The following HADH variants were observed in gnomAD, a reference collection of about 807,000 sequenced individuals.
The protein encoded by HADH is hydroxyacyl-CoA dehydrogenase.
A neutral mutation model predicts 32.2 loss-of-function variants in HADH; 24 were observed. The observed-to-expected ratio is 0.75, with a 90% CI of 0.54 to 1.05. The LOEUF is 1.05. Ranked by LOEUF, HADH falls within the 50% of genes least tolerant of loss-of-function variation. The pLI is 0.00. For synonymous variants in HADH, 139 were observed against 152.5 expected, an observed-to-expected ratio of 0.91 and a Z score of 0.65; for missense variants, 350 against 397.1, an observed-to-expected ratio of 0.88 and a Z score of 1.01.
At chr4:108,009,996 AGTTT>A (rs1735433854) in intron 2 of HADH, 109 bp downstream of exon 2, 5 of 589,506 alleles carry the variant, frequency 8.5e-6, no homozygotes, top group Non-Finnish European at 1.4e-5. Flanking sequence ...TTTTTTTTTC[AGTTT>A]GTTAGTGTAA....
At chr4:108,033,036 A>G in intron 6 of HADH, 140 bp from the exon 7 acceptor site, 1 of 744,162 alleles carries the variant, frequency 1.3e-6, no homozygotes. Flanking sequence ...AGGAAATCTT[A>G]CCCAAGCCAG....
intron 6 of HADH, chr4:108,028,047 G>A (rs1736124104): frequency 6.0e-6 from 3 of 502,814 alleles, no homozygotes; most frequent in Non-Finnish European, 7.1e-6. Flanking sequence ...TTGATATCCT[G>A]GATCTCTGCT....
In HADH at chr4:108,032,539, T is replaced by C; in HGVS notation, c.710-637T>C. On this transcript the variant is annotated intron_variant, in intron 6 of 7. Coordinates refer to ENST00000309522, the MANE Select transcript of HADH (RefSeq NM_005327.7). ...AAAGTTTATTTATAAATCAAAAATATGCTGTAGCATTAAATTATACTTTAA... is the reference window on the plus strand; with the variant it reads ...AAAGTTTATTTATAAATCAAAAATACGCTGTAGCATTAAATTATACTTTAA... The C allele has an allele frequency of 5.6e-6, 3 of 532,974 alleles. No homozygotes were observed. In the Admixed American group the frequency reaches 8.4e-5, roughly 15 times the overall value. The allele number at this position is 532,974 out of a possible 1,614,324, so 33.0% of individuals were successfully genotyped here. A position where few individuals can be genotyped will look rare whatever the true frequency, so the allele number is the denominator to read the frequency against.
intron 6 of HADH, chr4:108,030,377 C>T (rs1736219543): frequency 1.3e-5 from 2 of 152,798 alleles, no homozygotes; most frequent in South Asian, 4.1e-4. Flanking sequence ...CTTTCCCTTA[C>T]TATACTCTCT....
At chr4:107,995,986 C>T (rs1286164356) in intron 1 of HADH, among the ~76,000 whole-genome samples, 3 of 152,212 alleles carry the variant, frequency 2.0e-5, no homozygotes, top group East Asian at 1.9e-4. Flanking sequence ...AGATCTAATT[C>T]ATTATTTCCC....
Position 108,023,477 on chromosome 4 carries a change from A to T in HADH, c.550A>T (p.Ile184Phe). 1 of 1,602,072 alleles carries T rather than the reference A, an allele frequency of 6.2e-7. No homozygotes were observed. Among genetic ancestry groups the T allele is most frequent in the South Asian group, 1.1e-5 (1 of 90,840 alleles). ...ATTCTCTGCTTTGCATTTCCAGGTCATTAAAACACCAATGACCAGCCAGAA... is the reference window on the plus strand; with the variant it reads ...ATTCTCTGCTTTGCATTTCCAGGTCTTTAAAACACCAATGACCAGCCAGAA... ...PVPVMKLVEVIKTPMTSQKTF... is the reference protein window; with the variant it reads ...PVPVMKLVEVFKTPMTSQKTF... Residue 184 changes from isoleucine (I) to phenylalanine (F), a missense_variant, in exon 5 of 8, where the codon ATT becomes TTT. Transcript: ENST00000309522.
intron 2 of HADH, among the ~76,000 whole-genome samples, chr4:108,011,908 T>G (rs1361827972): frequency 6.6e-6 from 1 of 152,132 alleles, no homozygotes; most frequent in East Asian, 1.9e-4. Flanking sequence ...TTTTTTGTTT[T>G]GGAAATGAGG....
chr4:108,002,211 T>C (rs903127113), intron 1 of HADH, among the ~76,000 whole-genome samples: 3 of 152,180 alleles, frequency 2.0e-5, no homozygotes, highest in African/African-American at 7.2e-5. Context: ...CCGGGCCACA[T>C]AGAAGGATGT....
chr4:108,013,003 G>T (rs541435978), intron 2 of HADH, among the ~76,000 whole-genome samples: 2 of 152,174 alleles, frequency 1.3e-5, no homozygotes, highest in African/African-American at 4.8e-5. Flanking sequence ...CGCGATGTCG[G>T]CTCACTGCAA....
chr4:108,030,737 G>A (rs945965081), intron 6 of HADH: 1 of 152,266 alleles, frequency 6.6e-6, no homozygotes, highest in Admixed American at 6.5e-5. Context: ...CATTTTTTAT[G>A]GAAAGGGTGT....
chr4:108,017,393 T>C (rs913068153), intron 3 of HADH, among the ~76,000 whole-genome samples: 7 of 152,190 alleles, frequency 4.6e-5, no homozygotes, highest in African/African-American at 1.7e-4. Flanking sequence ...TCTTGTCTTC[T>C]TTATACTAGG....
At chr4:107,992,305 C>G (rs1391518198) in intron 1 of HADH, among the ~76,000 whole-genome samples, 1 of 152,214 alleles carries the variant, frequency 6.6e-6, no homozygotes, top group Non-Finnish European at 1.5e-5. Flanking sequence ...AGAAACAGTT[C>G]CATCCTTATG....
chr4:107,991,041 G>T (rs1429337325), intron 1 of HADH, among the ~76,000 whole-genome samples: 1 of 152,142 alleles, frequency 6.6e-6, no homozygotes, highest in African/African-American at 2.4e-5. Context: ...GCACCCAGCC[G>T]GAACAAGTCT....
At chr4:108,004,925 G>T in intron 1 of HADH, 2 of 1,530,140 alleles carry the variant, frequency 1.3e-6, no homozygotes, top group South Asian at 2.4e-5. Flanking sequence ...GAGGTAAGAT[G>T]ACCCTAAACT....
intron 4 of HADH, among the ~76,000 whole-genome samples, chr4:108,021,171 A>G (rs1333799748): frequency 6.6e-6 from 1 of 152,226 alleles, no homozygotes; most frequent in East Asian, 1.9e-4. Context: ...AAGAAGTGGC[A>G]TGCATTTCCA....
At chr4:107,999,228 A>G (rs1735043881) in intron 1 of HADH, among the ~76,000 whole-genome samples, 1 of 152,210 alleles carries the variant, frequency 6.6e-6, no homozygotes, top group South Asian at 2.1e-4. Flanking sequence ...GATGAAAGGT[A>G]TAAGACACAT....
intron 1 of HADH, chr4:108,004,525 C>T (rs994027543): frequency 3.1e-6 from 2 of 649,098 alleles, no homozygotes; most frequent in Admixed American, 6.4e-5. Flanking sequence ...AGAAACTTAG[C>T]ACTTCTTGTT....
chr4:108,003,401 C>T (rs170240), intron 1 of HADH, among the ~76,000 whole-genome samples: 45,730 of 151,968 alleles, frequency 0.3, 7,726 homozygotes, highest in East Asian at 0.62. Flanking sequence ...TCTTAAAGGC[C>T]GCACCTCTCA....
At chr4:108,003,287 A>G (rs1305261330) in intron 1 of HADH, among the ~76,000 whole-genome samples, 2 of 152,146 alleles carry the variant, frequency 1.3e-5, no homozygotes, top group Admixed American at 1.3e-4. Flanking sequence ...CTGTCTGCAC[A>G]TGGCAGAAGG....
Sources: gnomAD v4.1 joint callset for allele counts (sites outside exome capture counted in the v4.1 genomes callset) on GRCh38, gnomAD v4.1.1 for gene constraint, MANE v1.5 for transcripts, NCBI Gene and HGNC (gene_info 2026-07-23, HGNC 2026-07-21) for gene names.